Variants in GRM7 observed in about 807,000 individuals in gnomAD.
GRM7 encodes metabotropic glutamate receptor 7.
Under a neutral mutation model 84.5 loss-of-function variants are expected in GRM7, and 35 were observed. The observed-to-expected ratio is 0.41, with a 90% CI of 0.32 to 0.55. The LOEUF (loss-of-function observed/expected upper bound fraction) is 0.55. Ranked by LOEUF, GRM7 falls within the 20% of genes least tolerant of loss-of-function variation. The pLI is 0.19. For synonymous variants in GRM7, 487 were observed against 455.1 expected, an observed-to-expected ratio of 1.07 and a Z score of -0.89; for missense variants, 1,003 against 1,194.6, an observed-to-expected ratio of 0.84 and a Z score of 2.36.
At position 7,307,147 on chromosome 3, in the gene GRM7, G is replaced by A. The variant is rs141160237; in HGVS notation, c.1033+495G>A. Among the ~76,000 whole-genome samples the A allele has an allele frequency of 5.4e-3, 816 of 152,122 alleles. 10 individuals are homozygous for A. Among genetic ancestry groups the A allele is most frequent in the African/African-American group, 0.019 (775 of 41,502 alleles). On this transcript the variant is annotated intron_variant, in intron 4 of 9. Transcript: ENST00000357716. The stretch of plus-strand genomic sequence containing the variant: ...GCACCAGCATCCCCTCACCTTCCTA[G>A]GTCCCTTTTGTTTTCACTCTCTCCT...
intron 4 of GRM7, among the ~76,000 whole-genome samples, chr3:7,346,566 C>G (rs1362342172): frequency 6.6e-6 from 1 of 152,064 alleles, no homozygotes; most frequent in Non-Finnish European, 1.5e-5. Context: ...GGATGCCTAG[C>G]TATAACTGCA....
chr3:7,304,434 G>A (rs192327931), intron 3 of GRM7, among the ~76,000 whole-genome samples: 89 of 147,482 alleles, frequency 6.0e-4, no homozygotes, highest in African/African-American at 1.6e-3. Context: ...CTTATATTTC[G>A]TGATGTGCTT....
intron 4 of GRM7, among the ~76,000 whole-genome samples, chr3:7,307,562 T>A (rs1366596483): frequency 2.6e-5 from 4 of 152,208 alleles, no homozygotes; most frequent in African/African-American, 9.6e-5. Flanking sequence ...CTGTGTAGGC[T>A]TTTTAGACAA....
At chr3:7,250,934 A>G (rs1400087489) in intron 2 of GRM7, among the ~76,000 whole-genome samples, 1 of 152,178 alleles carries the variant, frequency 6.6e-6, no homozygotes, top group Non-Finnish European at 1.5e-5. Flanking sequence ...TGCATTGGAT[A>G]AGGTACTTGA....
chr3:6,884,876 G>A (rs1361401689), intron 1 of GRM7, among the ~76,000 whole-genome samples: 1 of 152,140 alleles, frequency 6.6e-6, no homozygotes, highest in Non-Finnish European at 1.5e-5. Context: ...GGGATTACAG[G>A]CGTGAGCCAC....
chr3:7,078,989 T>G (rs1253900365), intron 1 of GRM7, among the ~76,000 whole-genome samples: 1 of 152,086 alleles, frequency 6.6e-6, no homozygotes, highest in East Asian at 1.9e-4. Context: ...TTTAAAGACC[T>G]AAGCCACAAA....
intron 9 of GRM7, among the ~76,000 whole-genome samples, chr3:7,734,595 A>G (rs1702439967): frequency 6.6e-6 from 1 of 152,132 alleles, no homozygotes; most frequent in African/African-American, 2.4e-5. Flanking sequence ...TGAAATACTG[A>G]GTTATTTTTC....
At chr3:7,665,466 C>T (rs1191357458) in intron 8 of GRM7, among the ~76,000 whole-genome samples, 2 of 151,982 alleles carry the variant, frequency 1.3e-5, no homozygotes, top group African/African-American at 4.8e-5. Context: ...TGAGCCACCG[C>T]GCCCGGCCTT....
chr3:7,659,006 A>C (rs1699319064), intron 8 of GRM7, among the ~76,000 whole-genome samples: 1 of 152,218 alleles, frequency 6.6e-6, no homozygotes, highest in African/African-American at 2.4e-5. Context: ...GATTTCTGCA[A>C]ACCAAAGTTT....
intron 1 of GRM7, among the ~76,000 whole-genome samples, chr3:7,043,862 T>C (rs1696713077): frequency 6.6e-6 from 1 of 152,288 alleles, no homozygotes; most frequent in African/African-American, 2.4e-5. Flanking sequence ...CTGCTCCGCC[T>C]CCCAGAGGAG....
At chr3:7,166,626 C>T (rs531419966) in intron 2 of GRM7, among the ~76,000 whole-genome samples, 79 of 138,540 alleles carry the variant, frequency 5.7e-4, no homozygotes, top group Non-Finnish European at 1.2e-3. Flanking sequence ...TGTGGATGCT[C>T]AGTCTCTGTT....
chr3:7,009,003 G>A (rs1007975247), intron 1 of GRM7, among the ~76,000 whole-genome samples: 3 of 152,170 alleles, frequency 2.0e-5, no homozygotes, highest in South Asian at 2.1e-4. Context: ...GATCTTCTCC[G>A]AAAAGTTGCC....
chr3:6,923,237 A>G (rs2125034410), intron 1 of GRM7, among the ~76,000 whole-genome samples: 1 of 151,906 alleles, frequency 6.6e-6, no homozygotes, highest in East Asian at 1.9e-4. Context: ...CTGGTCTCGG[A>G]CTTCTGACCT....
At chr3:6,970,839 G>C (rs796092346) in intron 1 of GRM7, among the ~76,000 whole-genome samples, 1 of 152,044 alleles carries the variant, frequency 6.6e-6, no homozygotes, top group Admixed American at 6.6e-5. Flanking sequence ...AAAATTAGCC[G>C]GGCGTGGTGG....
intron 2 of GRM7, among the ~76,000 whole-genome samples, chr3:7,292,353 TCTC>T (rs1699661594): frequency 1.3e-5 from 2 of 152,314 alleles, no homozygotes; most frequent in South Asian, 4.1e-4. Flanking sequence ...TGTATCCTCT[TCTC>T]CTCTTAATCT....
rs761399796 is a variant in GRM7 at position 7,302,931 on chromosome 3, A to ATTTTTT, written c.879-3548_879-3543dup. On this transcript the variant is annotated intron_variant, in intron 3 of 9. Transcript: ENST00000357716. ...AGAAGTATTAACATTTGATTGTTCT[A>ATTTTTT]TTTTTTTTTTTTTTTTTTTTTTTTG... Among the ~76,000 whole-genome samples, 188 of 121,876 alleles carry ATTTTTT rather than the reference A, an allele frequency of 1.5e-3. 2 individuals carry two copies. Among genetic ancestry groups the ATTTTTT allele is most frequent in the African/African-American group, 4.9e-3 (132 of 27,196 alleles). The allele number at this position is 121,876 out of a possible 152,430, so 80.0% of individuals were successfully genotyped here.
At chr3:6,906,345 G>A (rs955263407) in intron 1 of GRM7, among the ~76,000 whole-genome samples, 27 of 152,102 alleles carry the variant, frequency 1.8e-4, no homozygotes, top group Admixed American at 1.3e-3. Context: ...GGGTGGCCCA[G>A]GGATGAGGTT....
chr3:6,973,015 T>C (rs1339652804), intron 1 of GRM7, among the ~76,000 whole-genome samples: 2 of 152,218 alleles, frequency 1.3e-5, no homozygotes, highest in Non-Finnish European at 2.9e-5. Flanking sequence ...AGTTTTGATT[T>C]TTCTGTTTAC....
intron 7 of GRM7, among the ~76,000 whole-genome samples, chr3:7,562,952 A>G (rs916323398): frequency 7.9e-5 from 12 of 152,178 alleles, no homozygotes; most frequent in African/African-American, 1.7e-4. Context: ...AACAGTTTCT[A>G]TCCTTTAGTT....
Sources: allele counts gnomAD v4.1 joint callset (sites outside exome capture counted in the v4.1 genomes callset), GRCh38; gene constraint gnomAD v4.1.1; transcripts MANE v1.5; gene names NCBI Gene and HGNC (gene_info 2026-07-23, HGNC 2026-07-21).